The following ATP8A2 variants were observed in gnomAD, a reference collection of about 807,000 sequenced individuals.
The protein encoded by ATP8A2 is ATPase phospholipid transporting 8A2, also known as phospholipid-transporting ATPase IB.
Under a neutral mutation model 165.6 loss-of-function variants are expected in ATP8A2, and 100 were observed. The ratio of observed to expected loss-of-function variants is 0.60; its 90% confidence interval spans 0.51 to 0.71. The LOEUF (loss-of-function observed/expected upper bound fraction) is 0.71. Ranked by LOEUF, ATP8A2 falls within the 30% of genes least tolerant of loss-of-function variation. The probability of loss-of-function intolerance (pLI) is 0.00; values close to 1 mark genes in which losing one functional copy is unlikely to be tolerated. For synonymous variants in ATP8A2, 543 were observed against 548.8 expected, an observed-to-expected ratio of 0.99 and a Z score of 0.15; for missense variants, 1,227 against 1,479.5, an observed-to-expected ratio of 0.83 and a Z score of 2.80.
At chr13:25,516,276 G>C (rs1430075520) in intron 2 of ATP8A2, among the ~76,000 whole-genome samples, 1 of 152,122 alleles carries the variant, frequency 6.6e-6, no homozygotes, top group Non-Finnish European at 1.5e-5. Flanking sequence ...CCGAGAACCA[G>C]TGCACCCTTG....
At chr13:25,838,816 C>T (rs1167554146) in intron 29 of ATP8A2, among the ~76,000 whole-genome samples, 1 of 151,994 alleles carries the variant, frequency 6.6e-6, no homozygotes, top group African/African-American at 2.4e-5. Context: ...CTACAGCTCC[C>T]AGCGTGAGCA....
intron 9 of ATP8A2, among the ~76,000 whole-genome samples, 160 bp downstream of exon 9, chr13:25,542,206 A>AG (rs1294275432): frequency 6.6e-6 from 1 of 152,086 alleles, no homozygotes; most frequent in Non-Finnish European, 1.5e-5. Context: ...TAAGAAAAAA[A>AG]CCCTGAGCCC....
intron 25 of ATP8A2, among the ~76,000 whole-genome samples, chr13:25,735,699 CAG>C (rs1315063955): frequency 6.6e-6 from 1 of 152,172 alleles, no homozygotes; most frequent in Non-Finnish European, 1.5e-5. Context: ...TGGTCAATAA[CAG>C]AACATATCAA....
chr13:25,479,450 A>G (rs1005232767), intron 2 of ATP8A2, among the ~76,000 whole-genome samples: 13 of 152,218 alleles, frequency 8.5e-5, no homozygotes, highest in African/African-American at 3.1e-4. Flanking sequence ...CATTATTAAT[A>G]AGTATAATTT....
chr13:25,827,983 G>A (rs946430968), intron 27 of ATP8A2, 135 bp from the exon 28 acceptor site: 14 of 688,172 alleles, frequency 2.0e-5, no homozygotes, highest in African/African-American at 1.4e-4. Context: ...AGGAACAACT[G>A]CTGCAGTCCC....
At position 25,837,839 on chromosome 13, in the gene ATP8A2, A is replaced by T. The variant is rs555815969; in HGVS notation, c.2877+554A>T. On this transcript the variant is annotated intron_variant, in intron 29 of 36. Transcript: ENST00000381655. ...AGAGAATCAGAAAGGAACCAAAAAA[A>T]AATAAAAAAAAGAAAGATATAGGTG... Among the ~76,000 whole-genome samples the T allele has an allele frequency of 6.0e-4, 91 of 152,330 alleles. 1 individual carries two copies. In the South Asian group the frequency reaches 0.011, roughly 18 times the overall value.
rs1282076958 is a variant in ATP8A2, at chr13:25,692,245, T to C, written c.2212-6928T>C. ...ATTAATGCAGGAGAAGGGAGTCTGC[T>C]CTGGAACTCGAAGGCTAAGCATGGT... On this transcript the variant is annotated intron_variant, in intron 24 of 36. Coordinates refer to ENST00000381655, the MANE Select transcript of ATP8A2 (RefSeq NM_016529.6). Among the ~76,000 whole-genome samples, 8 of 152,212 alleles carry C rather than the reference T, an allele frequency of 5.3e-5. 1 individual carries two copies. Among genetic ancestry groups the C allele is most frequent in the Admixed American group, 5.2e-4 (8 of 15,288 alleles).
At chr13:25,380,348 A>T (rs1305962472) in intron 1 of ATP8A2, among the ~76,000 whole-genome samples, 1 of 152,174 alleles carries the variant, frequency 6.6e-6, no homozygotes, top group East Asian at 1.9e-4. Flanking sequence ...GAGTCAGATT[A>T]TTGAAGTTGA....
At chr13:25,981,238 A>G (rs1252587316) in intron 35 of ATP8A2, among the ~76,000 whole-genome samples, 1 of 152,158 alleles carries the variant, frequency 6.6e-6, no homozygotes, top group Non-Finnish European at 1.5e-5. Flanking sequence ...TTGCTTAAGT[A>G]TACAAGTCAT....
intron 6 of ATP8A2, chr13:25,534,239 A>G (rs1383518839): frequency 3.8e-6 from 2 of 531,564 alleles, no homozygotes; most frequent in African/African-American, 3.9e-5. Flanking sequence ...GTAACACCTT[A>G]ACCTTTGCTG....
At chr13:25,916,964 A>G (rs557903133) in intron 33 of ATP8A2, among the ~76,000 whole-genome samples, 9 of 152,234 alleles carry the variant, frequency 5.9e-5, no homozygotes, top group African/African-American at 2.2e-4. Context: ...CAGGGTCCAT[A>G]TAACTTGGGG....
intron 30 of ATP8A2, among the ~76,000 whole-genome samples, chr13:25,846,130 G>A (rs539218193): frequency 1.6e-4 from 25 of 152,318 alleles, no homozygotes; most frequent in African/African-American, 5.3e-4. Context: ...AGCCGAGATC[G>A]TGCCATTGCA....
At chr13:25,826,196 A>T (rs1951308939) in intron 27 of ATP8A2, among the ~76,000 whole-genome samples, 1 of 152,186 alleles carries the variant, frequency 6.6e-6, no homozygotes, top group Non-Finnish European at 1.5e-5. Flanking sequence ...ATCACTTTGT[A>T]CCCCATAAAT....
At chr13:25,760,698 G>A (rs1445555136) in intron 25 of ATP8A2, among the ~76,000 whole-genome samples, 1 of 151,994 alleles carries the variant, frequency 6.6e-6, no homozygotes, top group Admixed American at 6.6e-5. Flanking sequence ...TACACAACAA[G>A]GAAATTATTA....
At chr13:25,440,058 CCTT>C (rs1471377224) in intron 1 of ATP8A2, among the ~76,000 whole-genome samples, 11 of 151,958 alleles carry the variant, frequency 7.2e-5, no homozygotes, top group African/African-American at 1.5e-4. Flanking sequence ...ATCCATCTGT[CCTT>C]CTTCTTATAT....
At chr13:25,788,468 G>A (rs1441009805) in intron 27 of ATP8A2, among the ~76,000 whole-genome samples, 1 of 152,164 alleles carries the variant, frequency 6.6e-6, no homozygotes, top group Non-Finnish European at 1.5e-5. Flanking sequence ...AAGACACTGA[G>A]GCCGAGAGGG....
intron 27 of ATP8A2, among the ~76,000 whole-genome samples, chr13:25,808,685 T>G (rs892934557): frequency 6.6e-6 from 1 of 151,872 alleles, no homozygotes; most frequent in African/African-American, 2.4e-5. Context: ...ACCTCCCACC[T>G]CAGCCTCCCA....
chr13:25,996,516 C>G (rs1020009806), intron 35 of ATP8A2, among the ~76,000 whole-genome samples: 2 of 151,950 alleles, frequency 1.3e-5, no homozygotes, highest in African/African-American at 4.8e-5. Flanking sequence ...GTTTATAGAA[C>G]TTTCTTATTA....
intron 24 of ATP8A2, among the ~76,000 whole-genome samples, chr13:25,631,368 G>A (rs2041236594): frequency 6.6e-6 from 1 of 152,170 alleles, no homozygotes; most frequent in South Asian, 2.1e-4. Flanking sequence ...ATTGGATGGT[G>A]TAGATGGAGA....
Sources: gnomAD v4.1 joint callset for allele counts (sites outside exome capture counted in the v4.1 genomes callset) on GRCh38, gnomAD v4.1.1 for gene constraint, MANE v1.5 for transcripts, NCBI Gene and HGNC (gene_info 2026-07-23, HGNC 2026-07-21) for gene names.